Variants in TMEM132D observed in about 807,000 individuals in gnomAD.
TMEM132D encodes mature OL transmembrane protein.
Under a neutral mutation model 62.3 loss-of-function variants are expected in TMEM132D, and 21 were observed. That is an observed-to-expected ratio of 0.34 (90% CI 0.24 to 0.49). The LOEUF is 0.49. TMEM132D is among the 20% of genes least tolerant of loss of function. The pLI is 0.99. For missense variants in TMEM132D, 1,346 were observed against 1,402.8 expected (o/e 0.96, Z 0.65); for synonymous variants, 621 against 575.6 (o/e 1.08, Z -1.13).
At chr12:129,261,634 G>C (rs1292591646) in intron 4 of TMEM132D, among the ~76,000 whole-genome samples, 1 of 152,140 alleles carries the variant, frequency 6.6e-6, no homozygotes, top group Non-Finnish European at 1.5e-5. Flanking sequence ...CCAGAGGTTG[G>C]AACTTCAAGA....
chr12:129,452,862 A>G (rs1021694486), intron 3 of TMEM132D, among the ~76,000 whole-genome samples: 4 of 152,192 alleles, frequency 2.6e-5, no homozygotes, highest in African/African-American at 9.7e-5. Flanking sequence ...CGTAACATTT[A>G]AAAATTATCT....
At chr12:129,771,702 T>C (rs965512759) in intron 1 of TMEM132D, among the ~76,000 whole-genome samples, 1 of 152,242 alleles carries the variant, frequency 6.6e-6, no homozygotes. Flanking sequence ...TGACAGCCAT[T>C]TTTATTGGGT....
intron 1 of TMEM132D, among the ~76,000 whole-genome samples, chr12:129,750,724 A>G (rs562396318): frequency 6.6e-6 from 1 of 152,326 alleles, no homozygotes; most frequent in East Asian, 1.9e-4. Context: ...GTCAGCGGGT[A>G]CAAAGGTATA....
intron 1 of TMEM132D, among the ~76,000 whole-genome samples, chr12:129,748,784 G>A (rs1216497720): frequency 6.6e-6 from 1 of 152,162 alleles, no homozygotes; most frequent in African/African-American, 2.4e-5. Flanking sequence ...CAAAATTTTG[G>A]ATGTGAATAG....
At chr12:129,293,154 G>A (rs375443673) in intron 4 of TMEM132D, among the ~76,000 whole-genome samples, 6 of 152,254 alleles carry the variant, frequency 3.9e-5, no homozygotes, top group South Asian at 4.1e-4. Context: ...AGGGTGGTAC[G>A]GAGGCAGTGC....
chr12:129,438,764 A>G (rs193060756), intron 3 of TMEM132D, among the ~76,000 whole-genome samples: 65 of 152,310 alleles, frequency 4.3e-4, no homozygotes, highest in East Asian at 5.8e-4. Context: ...TGTGTTGTAC[A>G]TGGGATAGCT....
chr12:129,272,568 AT>A (rs1880881846), intron 4 of TMEM132D, among the ~76,000 whole-genome samples: 1 of 151,750 alleles, frequency 6.6e-6, no homozygotes, highest in Non-Finnish European at 1.5e-5. Flanking sequence ...CATTTTTTAT[AT>A]GTGTTGGCTG....
chr12:129,649,441 G>A (rs994889407), intron 2 of TMEM132D, among the ~76,000 whole-genome samples: 1 of 152,088 alleles, frequency 6.6e-6, no homozygotes, highest in African/African-American at 2.4e-5. Flanking sequence ...GGCATGAAAT[G>A]AGACAGAAAT....
At chr12:129,357,028 C>T (rs1177551925) in intron 3 of TMEM132D, among the ~76,000 whole-genome samples, 9 of 150,920 alleles carry the variant, frequency 6.0e-5, no homozygotes, top group Non-Finnish European at 1.2e-4. Flanking sequence ...GGGTGGATCA[C>T]GAGGTCAGGA....
At chr12:129,496,172 A>T (rs1245836051) in intron 3 of TMEM132D, among the ~76,000 whole-genome samples, 1 of 152,208 alleles carries the variant, frequency 6.6e-6, no homozygotes, top group Non-Finnish European at 1.5e-5. Context: ...TTATTAAGTG[A>T]ATACTCGCAC....
intron 5 of TMEM132D, among the ~76,000 whole-genome samples, chr12:129,094,060 C>A (rs1428526005): frequency 3.9e-5 from 6 of 151,962 alleles, no homozygotes; most frequent in Admixed American, 3.9e-4. Context: ...AAATGTTAGA[C>A]CTAAAACCAT....
rs999163146 is a variant in TMEM132D at position 129,817,860 on chromosome 12, T to C, written c.79+85401A>G. Reference sequence around the variant, plus strand: ...GTTTGGGGTGTGTGTGTATGTGGTGTGAGGTGTATGTGTGTGTGTGTGGTG... The same window carrying C: ...GTTTGGGGTGTGTGTGTATGTGGTGCGAGGTGTATGTGTGTGTGTGTGGTG... On this transcript the variant is annotated intron_variant, in intron 1 of 8. Transcript: ENST00000422113. 6.2e-5 allele frequency among the ~76,000 whole-genome samples: 9 copies of C among 145,244 alleles called. No homozygotes were observed. The Middle Eastern group carries it at 0.012, about 197-fold the overall frequency.
intron 4 of TMEM132D, among the ~76,000 whole-genome samples, chr12:129,309,227 T>C (rs1881914323): frequency 6.6e-6 from 1 of 152,180 alleles, no homozygotes; most frequent in South Asian, 2.1e-4. Flanking sequence ...ATTAATATAT[T>C]CCCTCTGGTT....
At chr12:129,902,666 C>A (rs1246100650) in intron 1 of TMEM132D, among the ~76,000 whole-genome samples, 3 of 152,208 alleles carry the variant, frequency 2.0e-5, no homozygotes, top group South Asian at 2.1e-4. Flanking sequence ...CAGCACCCTA[C>A]GGAAGGGTGA....
intron 3 of TMEM132D, among the ~76,000 whole-genome samples, chr12:129,473,915 A>G (rs1175867690): frequency 5.3e-5 from 8 of 152,356 alleles, no homozygotes; most frequent in African/African-American, 1.9e-4. Flanking sequence ...CATTCATTAA[A>G]TACACATTTT....
In TMEM132D at chr12:129,542,269, AC is replaced by A. The variant is rs575867871; in HGVS notation, c.969-11065del. ...GACCTAATTTTACTGTCTGTTAAGAACCACAACCCCCTAATTTCATTACATT... is the reference window on the plus strand; with the variant it reads ...GACCTAATTTTACTGTCTGTTAAGAACACAACCCCCTAATTTCATTACATT... On this transcript the variant is annotated intron_variant, in intron 2 of 8. Coordinates refer to ENST00000422113, the MANE Select transcript of TMEM132D (RefSeq NM_133448.3). Among the ~76,000 whole-genome samples, 75 of 152,328 alleles carry A rather than the reference AC, an allele frequency of 4.9e-4. 1 individual carries two copies. In the South Asian group the frequency reaches 0.016, roughly 32 times the overall value.
chr12:129,205,734 A>C lies in TMEM132D; in HGVS notation c.1443+3786T>G, dbSNP rs549373366. ...ATACATTCTTCTCATCACCACGTGG[A>C]ACATACTCCAAAATCAACCACATAA... On this transcript the variant is annotated intron_variant, in intron 5 of 8. Coordinates refer to ENST00000422113, the MANE Select transcript of TMEM132D (RefSeq NM_133448.3). Among the ~76,000 whole-genome samples, 72 of 152,210 alleles carry C rather than the reference A, an allele frequency of 4.7e-4. 1 individual carries two copies. Among genetic ancestry groups the C allele is most frequent in the South Asian group, 3.7e-3 (18 of 4,822 alleles).
chr12:129,643,927 C>T (rs1879704204), intron 2 of TMEM132D, among the ~76,000 whole-genome samples: 1 of 151,830 alleles, frequency 6.6e-6, no homozygotes, highest in African/African-American at 2.4e-5. Context: ...TCACTGCAAC[C>T]TCGTGCAACC....
At chr12:129,117,258 T>A (rs545122759) in intron 5 of TMEM132D, among the ~76,000 whole-genome samples, 3 of 150,784 alleles carry the variant, frequency 2.0e-5, no homozygotes, top group South Asian at 4.2e-4. Context: ...AGCTGGTTGC[T>A]AGGGGTTCAG....
Sources: gnomAD v4.1 joint callset for allele counts (sites outside exome capture counted in the v4.1 genomes callset) on GRCh38, gnomAD v4.1.1 for gene constraint, MANE v1.5 for transcripts, NCBI Gene and HGNC (gene_info 2026-07-23, HGNC 2026-07-21) for gene names.